Variants in ROGDI observed in about 807,000 individuals in gnomAD.
ROGDI encodes the protein rogdi atypical leucine zipper, also known as protein rogdi homolog.
Under a neutral mutation model 43.1 loss-of-function variants are expected in ROGDI, and 46 were observed. The observed-to-expected ratio is 1.07, with a 90% confidence interval of 0.84 to 1.37. ROGDI has a LOEUF of 1.37. Ranked by LOEUF, ROGDI falls within the 40% of genes most tolerant of loss-of-function variation. The pLI, the probability that ROGDI is intolerant of heterozygous loss-of-function variation, is 0.00. For synonymous variants in ROGDI, 243 were observed against 162.0 expected, an observed-to-expected ratio of 1.50 and a Z score of -3.80; for missense variants, 518 against 383.9, an observed-to-expected ratio of 1.35 and a Z score of -2.92.
intron 6 of ROGDI, 60 bp downstream of exon 6, chr16:4,799,626 T>C: frequency 1.5e-6 from 2 of 1,305,826 alleles, no homozygotes; most frequent in Non-Finnish European, 2.2e-6. Flanking sequence ...GGAACCCAGG[T>C]GTGATTCCGG....
Position 4,801,539 on chromosome 16 carries a change from G to A in ROGDI, c.164C>T (p.Pro55Leu), listed in dbSNP as rs376084942. ...TAGGATGAAGTTCTCTTGCTTGGCG[G>A]GCCCCTCAGTGCCGGAGCCCGGCAG... ...FTLPGSGTEG[P>L]AKQENFILGS... is the part of the protein sequence containing the mutation. Residue 55 changes from proline to leucine, a missense_variant, in exon 3 of 11, where the codon CCC (proline) becomes CTC (leucine). Pro to Leu is a moderately conservative substitution (Grantham distance 98). Transcript: ENST00000322048. The A allele has an allele frequency of 6.2e-7, 1 of 1,607,110 alleles. No individual in the cohort carries two copies.
In ROGDI at chr16:4,801,583, C is replaced by T; in HGVS notation, c.120G>A (p.Glu40=). 6.3e-7 allele frequency: 1 copy of T among 1,596,526 alleles called. No homozygotes were observed. Reference sequence around the variant, plus strand: ...CCGGCAGAGTGAAGCGCAGAGAGGCCTCCTGTGGAACAGAGGGAAGGAGGG... The same window carrying T: ...CCGGCAGAGTGAAGCGCAGAGAGGCTTCCTGTGGAACAGAGGGAAGGAGGG... The part of the protein sequence containing the change: ...VLKQLQDILK[E]ASLRFTLPGS... The change falls in exon 3 of 11, where the codon GAG becomes GAA. Residue 40 remains glutamate, a splice_region_variant and synonymous_variant. Transcript: ENST00000322048.
At chr16:4,799,604 G>T (rs758438865) in intron 6 of ROGDI, 82 bp downstream of exon 6, 3 of 997,672 alleles carry the variant, frequency 3.0e-6, no homozygotes, top group Non-Finnish European at 4.6e-6. Context: ...TCAACGTGGA[G>T]GCCCTGGGAT....
At position 4,802,424 on chromosome 16, in the gene ROGDI, G is replaced by C. The variant is rs1422094179; in HGVS notation, c.75C>G (p.Asp25Glu). Residue 25 changes from aspartate (D) to glutamate (E), a missense_variant, in exon 2 of 11, where the codon GAC (aspartate) becomes GAG (glutamate). Coordinates refer to ENST00000322048, the MANE Select transcript of ROGDI (RefSeq NM_024589.3). Reference sequence around the variant, plus strand: ...GCTGCTTCAACACAGCGTGCACCTCGTCGTGCAGCAGCCAGCGGAACTCCT... The same window carrying C: ...GCTGCTTCAACACAGCGTGCACCTCCTCGTGCAGCAGCCAGCGGAACTCCT... ...LEEEFRWLLH[D>E]EVHAVLKQLQ... 10 of 1,509,746 alleles carry C rather than the reference G, an allele frequency of 6.6e-6. No homozygotes were observed. Among genetic ancestry groups the C allele is most frequent in the Non-Finnish European group, 2.6e-6 (3 of 1,134,826 alleles). 93.5% of individuals were successfully genotyped at this position (1,509,746 alleles called of 1,614,324 possible). A position where few individuals can be genotyped will look rare whatever the true frequency, so the allele number is the denominator to read the frequency against.
At position 4,802,506 on chromosome 16, in the gene ROGDI, CCGCTGGCCCGCG is replaced by C. The variant is rs772340154; in HGVS notation, c.45+9_45+20del. 43 of 1,211,368 alleles carry C rather than the reference CCGCTGGCCCGCG, an allele frequency of 3.5e-5. No individual in the cohort carries two copies. Among genetic ancestry groups the C allele is most frequent in the Non-Finnish European group, 4.2e-5 (41 of 977,568 alleles). The allele number at this position is 1,211,368 out of a possible 1,614,324, so 75.0% of individuals were successfully genotyped here. ...CGGCCCCGCCGCCCCGCCGGCCCGC[CCGCTGGCCCGCG>C]CGCCTTACCAGCACCGCCCGCTCCG... On this transcript the variant is annotated intron_variant, in intron 1 of 10. Coordinates refer to ENST00000322048, the MANE Select transcript of ROGDI (RefSeq NM_024589.3).
chr16:4,802,254 C>A (rs889516914), intron 2 of ROGDI, 128 bp downstream of exon 2: 2 of 849,180 alleles, frequency 2.4e-6, no homozygotes, highest in East Asian at 2.9e-5. Context: ...GGAGGCGGGG[C>A]CCTGCCTGAA....
rs778684679 is a variant in ROGDI, at chr16:4,802,583, G to A, written c.-12C>T. Reference sequence around the variant, plus strand: ...ATCACGGTGGCCATGGCCGCAGGCCGCCGCCGAGCGCCCTCCCCACCGGCC... The same window carrying A: ...ATCACGGTGGCCATGGCCGCAGGCCACCGCCGAGCGCCCTCCCCACCGGCC... On this transcript the variant is annotated 5_prime_UTR_variant, in exon 1 of 11. Transcript: ENST00000322048. 2.5e-5 allele frequency: 33 copies of A among 1,307,918 alleles called. No individual in the cohort carries two copies. In the South Asian group the frequency reaches 4.4e-4, roughly 18 times the overall value. 81.0% of individuals were successfully genotyped at this position (1,307,918 alleles called of 1,614,324 possible).
chr16:4,797,526 G>C, intron 10 of ROGDI, 25 bp from the exon 11 acceptor site: 1 of 1,357,598 alleles, frequency 7.4e-7, no homozygotes, highest in Non-Finnish European at 9.6e-7. Flanking sequence ...GGTGCTGTAG[G>C]TTGCTGAAGG....
chr16:4,799,535 C>T, intron 6 of ROGDI, 151 bp downstream of exon 6: 1 of 607,544 alleles, frequency 1.6e-6, no homozygotes, highest in South Asian at 2.1e-5. Context: ...TTGCCCCTGA[C>T]CCCACAGGTA....
chr16:4,798,597 A>G lies in ROGDI; in HGVS notation c.503T>C (p.Leu168Pro). ...GAGGCCGCTGGCGGCGATCTCGGGG[A>G]GGGTGAGGGTGGCGGGGGTGGTGAG... Reference protein sequence around the residue: ...NRLTTPATLTLPEIAASGLTR... With the variant: ...NRLTTPATLTPPEIAASGLTR... The change falls in exon 7 of 11, where the codon CTC becomes CCC. Residue 168 changes from leucine (L) to proline (P), a missense_variant. Coordinates refer to ENST00000322048, the MANE Select transcript of ROGDI (RefSeq NM_024589.3). The G allele has an allele frequency of 1.3e-6, 2 of 1,570,160 alleles. No individual in the cohort carries two copies. The highest frequency in any genetic ancestry group is 1.7e-6 in the Non-Finnish European group (2 of 1,163,836).
intron 2 of ROGDI, 193 bp downstream of exon 2, chr16:4,802,189 G>T: frequency 1.5e-6 from 1 of 658,926 alleles, no homozygotes; most frequent in Admixed American, 2.2e-5. Flanking sequence ...CCCTCGTCGG[G>T]ACCCGCCCCT....
rs540638420 is a variant in ROGDI, at chr16:4,799,705, G to T, written c.413C>A (p.Thr138Lys). 1 of 1,613,418 alleles carries T rather than the reference G, an allele frequency of 6.2e-7. No individual in the cohort carries two copies. The highest frequency in any genetic ancestry group is 8.5e-7 in the Non-Finnish European group (1 of 1,179,598). ...GCTCACCTTGAGGACCTCAGCGCCC[G>T]TCTTGAACTGGTAGCTCTGGTCCCG... is the stretch of plus-strand genomic sequence containing the variant. ...TSRDQSYQFK[T>K]GAEVLKLMDA... The change falls in exon 6 of 11, where the codon ACG (threonine) becomes AAG (lysine). Residue 138 changes from threonine (T) to lysine (K), a missense_variant. Physicochemically the swap from Thr to Lys is moderately conservative, Grantham distance 78 (BLOSUM62 -1). Coordinates refer to ENST00000322048, the MANE Select transcript of ROGDI (RefSeq NM_024589.3).
chr16:4,801,705 C>A, intron 2 of ROGDI, 120 bp from the exon 3 acceptor site: 1 of 925,078 alleles, frequency 1.1e-6, no homozygotes, highest in South Asian at 1.5e-5. Context: ...GGCCTGGCCT[C>A]ACCTGGGTTC....
chr16:4,797,605 C>T (rs1456269440), intron 10 of ROGDI, 104 bp from the exon 11 acceptor site: 10 of 1,593,762 alleles, frequency 6.3e-6, no homozygotes, highest in Non-Finnish European at 8.6e-6. Context: ...GGCATTGCTG[C>T]CTCGCAGTGC....
chr16:4,798,788 C>T (rs1335363200), intron 6 of ROGDI, 121 bp from the exon 7 acceptor site: 2 of 809,042 alleles, frequency 2.5e-6, no homozygotes, highest in African/African-American at 1.7e-5. Flanking sequence ...GTCCCGAAAC[C>T]CGGCAGCAGG....
intron 7 of ROGDI, 102 bp from the exon 8 acceptor site, chr16:4,798,286 C>G: frequency 1.0e-6 from 1 of 977,720 alleles, no homozygotes; most frequent in South Asian, 1.4e-5. Flanking sequence ...GATCCCAGTC[C>G]CCACCCCAGA....
chr16:4,799,577 C>T (rs571915292), intron 6 of ROGDI, 109 bp downstream of exon 6: 6 of 725,032 alleles, frequency 8.3e-6, no homozygotes, highest in South Asian at 1.8e-5. Flanking sequence ...CAGGTAAGTG[C>T]TTACAGGTTG....
At chr16:4,800,746 G>A in intron 4 of ROGDI, 168 bp from the exon 5 acceptor site, 2 of 604,010 alleles carry the variant, frequency 3.3e-6, no homozygotes, top group South Asian at 3.9e-5. Context: ...GGTTGAACAG[G>A]GAGGTCAGGA....
intron 9 of ROGDI, 28 bp from the exon 10 acceptor site, chr16:4,797,868 A>C (rs773802205): frequency 2.5e-6 from 4 of 1,608,894 alleles, no homozygotes; most frequent in Non-Finnish European, 3.4e-6. Flanking sequence ...GTCCCTGAGG[A>C]GGGTCCCGGC....
Sources: allele counts gnomAD v4.1 joint callset, GRCh38; gene constraint gnomAD v4.1.1; transcripts MANE v1.5; gene names NCBI Gene and HGNC (gene_info 2026-07-23, HGNC 2026-07-21).